The following PAM variants were observed in gnomAD, a reference collection of about 807,000 sequenced individuals.
PAM encodes peptidylglycine alpha-amidating monooxygenase.
Under a neutral mutation model 122.1 loss-of-function variants are expected in PAM, and 72 were observed. The observed-to-expected ratio is 0.59, with a 90% CI of 0.49 to 0.72. The LOEUF is 0.72. Among genes scored for constraint, PAM ranks in the 30% least tolerant of loss-of-function variants. PAM has a pLI of 0.00. For synonymous variants in PAM, 389 were observed against 404.4 expected (o/e 0.96, Z 0.46); for missense variants, 1,106 against 1,183.7 (o/e 0.93, Z 0.96).
At chr5:102,939,124 A>G (rs1184608245) in intron 7 of PAM, among the ~76,000 whole-genome samples, 1 of 152,176 alleles carries the variant, frequency 6.6e-6, no homozygotes, top group Non-Finnish European at 1.5e-5. Context: ...ATAATGTTTA[A>G]TAATATGGAC....
At chr5:103,016,452 T>C (rs998592346) in intron 21 of PAM, among the ~76,000 whole-genome samples, 1 of 152,196 alleles carries the variant, frequency 6.6e-6, no homozygotes, top group Non-Finnish European at 1.5e-5. Context: ...AAAGATGTTA[T>C]CTATATCCTG....
At chr5:102,770,648 T>A (rs1429552087) in intron 1 of PAM, among the ~76,000 whole-genome samples, 1 of 152,186 alleles carries the variant, frequency 6.6e-6, no homozygotes, top group Non-Finnish European at 1.5e-5. Flanking sequence ...TTCATTCTGT[T>A]AAGATGATAT....
intron 20 of PAM, among the ~76,000 whole-genome samples, chr5:103,008,956 GTT>G (rs1582860310): frequency 6.6e-6 from 1 of 152,040 alleles, no homozygotes; most frequent in Non-Finnish European, 1.5e-5. Flanking sequence ...TGTTTATAGT[GTT>G]TTTTATAGTA....
intron 1 of PAM, among the ~76,000 whole-genome samples, chr5:102,768,703 C>T (rs924565412): frequency 6.6e-6 from 1 of 152,156 alleles, no homozygotes; most frequent in Non-Finnish European, 1.5e-5. Flanking sequence ...GTACTCCATT[C>T]TGTATATGTA....
downstream of PAM, chr5:103,029,797 A>G (rs763782533): frequency 7.2e-5 from 11 of 152,458 alleles, no homozygotes; most frequent in East Asian, 1.2e-3. Context: ...ACCCACAAAT[A>G]TTAGTGAAAC....
chr5:102,963,223 A>C (rs1763037658), intron 14 of PAM, among the ~76,000 whole-genome samples: 1 of 151,926 alleles, frequency 6.6e-6, no homozygotes. Context: ...AAATACAGAA[A>C]TGTACCAAAT....
intron 1 of PAM, among the ~76,000 whole-genome samples, chr5:102,850,735 C>G (rs887522768): frequency 2.0e-5 from 3 of 152,046 alleles, no homozygotes; most frequent in Admixed American, 6.6e-5. Flanking sequence ...GGGCGGCTGG[C>G]GGGGTGGTGG....
chr5:102,780,907 T>C (rs1758779764), intron 1 of PAM, among the ~76,000 whole-genome samples: 1 of 151,112 alleles, frequency 6.6e-6, no homozygotes. Flanking sequence ...TTCTTTGTTG[T>C]GGGGGCTGTC....
intron 7 of PAM, among the ~76,000 whole-genome samples, chr5:102,943,876 T>G (rs1756106547): frequency 6.6e-6 from 1 of 152,160 alleles, no homozygotes; most frequent in Non-Finnish European, 1.5e-5. Context: ...AAGCAGTCAT[T>G]CAGTTTCATC....
chr5:103,007,177 A>T (rs1249286026), intron 19 of PAM, among the ~76,000 whole-genome samples, 166 bp downstream of exon 19: 3 of 140,346 alleles, frequency 2.1e-5, no homozygotes, highest in African/African-American at 8.1e-5. Flanking sequence ...ACACACACAC[A>T]CACACACATA....
At chr5:102,889,786 C>A (rs1020530928) in intron 3 of PAM, among the ~76,000 whole-genome samples, 1 of 151,822 alleles carries the variant, frequency 6.6e-6, no homozygotes, top group Non-Finnish European at 1.5e-5. Context: ...ACCAAGTCAG[C>A]GGTTTCCTTG....
chr5:102,946,338 C>G (rs1757025197), intron 7 of PAM, among the ~76,000 whole-genome samples: 1 of 151,920 alleles, frequency 6.6e-6, no homozygotes, highest in African/African-American at 2.4e-5. Flanking sequence ...TTTAAAGTCT[C>G]TACAATAATA....
In PAM at chr5:102,926,716, GT is replaced by G. The variant is rs777216631; in HGVS notation, c.526+51del. On this transcript the variant is annotated intron_variant, in intron 7 of 25. Transcript: ENST00000438793. ...TAAGCAAAACTTCTAGTACTATATT[GT>G]TTAAAATACATGCACAAACTATTAT... The G allele has an allele frequency of 1.4e-5, 13 of 923,574 alleles. No individual in the cohort carries two copies. The East Asian group carries it at 3.2e-4, about 23-fold the overall frequency. 57.2% of individuals were successfully genotyped at this position (923,574 alleles called of 1,614,324 possible).
chr5:102,816,201 A>C (rs1314111025), intron 1 of PAM, among the ~76,000 whole-genome samples: 1 of 152,124 alleles, frequency 6.6e-6, no homozygotes, highest in Non-Finnish European at 1.5e-5. Context: ...TCATGAGTTT[A>C]ACTCTCATGT....
chr5:102,946,886 G>A lies in PAM; in HGVS notation c.575+1G>A, dbSNP rs997035903. 4.4e-6 allele frequency: 7 copies of A among 1,592,658 alleles called. No individual in the cohort carries two copies. The highest frequency in any genetic ancestry group is 6.0e-6 in the Non-Finnish European group (7 of 1,161,456). ...TGTCCTTACACCTCACACGTCTGCCGTAAGTACTTCCATTTTTCCTAGAGG... is the reference window on the plus strand; with the variant it reads ...TGTCCTTACACCTCACACGTCTGCCATAAGTACTTCCATTTTTCCTAGAGG... On this transcript the variant is annotated splice_donor_variant, in intron 8 of 25. Transcript: ENST00000438793. LOFTEE classifies it high-confidence loss of function.
At chr5:102,917,798 T>C (rs1048149522) in intron 5 of PAM, among the ~76,000 whole-genome samples, 1 of 152,238 alleles carries the variant, frequency 6.6e-6, no homozygotes, top group Non-Finnish European at 1.5e-5. Flanking sequence ...TCCTTTGCTC[T>C]TTGTAATTGC....
At chr5:102,955,940 T>C (rs1760586309) in intron 12 of PAM, among the ~76,000 whole-genome samples, 1 of 152,078 alleles carries the variant, frequency 6.6e-6, no homozygotes, top group African/African-American at 2.4e-5. Context: ...ACTGTGATGC[T>C]GATACTAAGG....
intron 1 of PAM, among the ~76,000 whole-genome samples, chr5:102,834,554 G>A (rs956588116): frequency 2.6e-5 from 4 of 152,152 alleles, no homozygotes; most frequent in Non-Finnish European, 2.9e-5. Flanking sequence ...CCTGGGGAAG[G>A]GTTACACTTT....
chr5:102,781,211 T>C lies in PAM; in HGVS notation c.-374+25863T>C, dbSNP rs147085794. ...AAGAAAAGCTTTTAATAATTACTCA[T>C]TTTTTTGGGTCATTTAACACTGGGA... On this transcript the variant is annotated intron_variant, in intron 1 of 25. Transcript: ENST00000438793. 1.1e-3 allele frequency among the ~76,000 whole-genome samples: 172 copies of C among 152,248 alleles called. 1 individual carries two copies. The highest frequency in any genetic ancestry group is 3.9e-3 in the African/African-American group (164 of 41,560).
Sources: gnomAD v4.1 joint callset for allele counts (sites outside exome capture counted in the v4.1 genomes callset) on GRCh38, gnomAD v4.1.1 for gene constraint, MANE v1.5 for transcripts, NCBI Gene and HGNC (gene_info 2026-07-23, HGNC 2026-07-21) for gene names.